NCKAP5: variants seen among roughly 807,000 people sequenced by gnomAD.
NCKAP5 encodes the protein NCK associated protein 5.
A neutral mutation model predicts 167.0 loss-of-function variants in NCKAP5; 92 were observed. The observed-to-expected ratio is 0.55, with a 90% CI of 0.47 to 0.66. The LOEUF (loss-of-function observed/expected upper bound fraction) is 0.66. Among genes scored for constraint, NCKAP5 ranks in the 30% least tolerant of loss-of-function variants. The pLI is 0.00. For missense variants in NCKAP5, 2,378 were observed against 2,315.0 expected, an observed-to-expected ratio of 1.03 and a Z score of -0.56; for synonymous variants, 891 against 877.4, an observed-to-expected ratio of 1.02 and a Z score of -0.27.
intron 1 of NCKAP5, among the ~76,000 whole-genome samples, chr2:133,563,742 A>G (rs891111068): frequency 6.6e-6 from 1 of 152,206 alleles, no homozygotes; most frequent in Non-Finnish European, 1.5e-5. Context: ...CAGTGCAGTC[A>G]ATCGGGGCAG....
At chr2:133,602,480 T>C in the NCKAP5 span, among the ~76,000 whole-genome samples, 1 of 152,096 alleles carries the variant, frequency 6.6e-6, no homozygotes, top group African/African-American at 2.4e-5. Flanking sequence ...TTGTGGCTGA[T>C]AGAAAGCCCT....
At chr2:132,764,000 A>T (rs974059211) in intron 16 of NCKAP5, among the ~76,000 whole-genome samples, 3 of 152,220 alleles carry the variant, frequency 2.0e-5, no homozygotes, top group Admixed American at 6.5e-5. Context: ...AGTGAAAAAA[A>T]TATTTTACAG....
intron 4 of NCKAP5, among the ~76,000 whole-genome samples, chr2:133,224,904 A>G (rs1258719719): frequency 1.3e-5 from 2 of 152,212 alleles, no homozygotes; most frequent in African/African-American, 4.8e-5. Flanking sequence ...CTTATAAATC[A>G]TTGAAGAAAC....
chr2:132,900,083 C>T (rs1574566522), intron 8 of NCKAP5, among the ~76,000 whole-genome samples: 1 of 152,168 alleles, frequency 6.6e-6, no homozygotes, highest in Admixed American at 6.6e-5. Flanking sequence ...AGAACACATG[C>T]AACAGGTACC....
intron 19 of NCKAP5, among the ~76,000 whole-genome samples, chr2:132,708,653 CA>C (rs1314103180): frequency 6.6e-6 from 1 of 152,216 alleles, no homozygotes. Flanking sequence ...GGAAAGGACA[CA>C]AGCCCGGCTG....
At chr2:133,004,507 GT>G (rs1213360417) in intron 6 of NCKAP5, among the ~76,000 whole-genome samples, 3 of 152,210 alleles carry the variant, frequency 2.0e-5, no homozygotes, top group Admixed American at 1.3e-4. Flanking sequence ...AAACCAGCAA[GT>G]TTTTATTAGG....
chr2:133,351,287 A>G (rs549221357), intron 3 of NCKAP5, among the ~76,000 whole-genome samples: 1 of 152,302 alleles, frequency 6.6e-6, no homozygotes, highest in East Asian at 1.9e-4. Flanking sequence ...CCTATGGCCC[A>G]TTTAATGATT....
chr2:132,751,206 G>A lies in NCKAP5; in HGVS notation c.5129-19155C>T, dbSNP rs78583489. 0.013 allele frequency among the ~76,000 whole-genome samples: 1,949 copies of A among 152,078 alleles called. 217 individuals carry two copies. In the East Asian group the frequency reaches 0.26, roughly 21 times the overall value. The stretch of plus-strand genomic sequence containing the variant: ...AGGAGGGAGTGGGTTCTCACCTTTA[G>A]TTCCTGAGAGAGATTTCCCTCTATC... On this transcript the variant is annotated intron_variant, in intron 16 of 19. Coordinates refer to ENST00000409261, the MANE Select transcript of NCKAP5 (RefSeq NM_207363.3).
chr2:132,860,709 A>G, intron 10 of NCKAP5, 98 bp from the exon 11 acceptor site: 1 of 1,383,540 alleles, frequency 7.2e-7, no homozygotes, highest in Middle Eastern at 2.3e-4. Flanking sequence ...TTAGTAAAAA[A>G]CGGTATTTTT....
chr2:133,307,127 A>G lies in NCKAP5; in HGVS notation c.70-4017T>C, dbSNP rs115076699. On this transcript the variant is annotated intron_variant, in intron 3 of 19. Coordinates refer to ENST00000409261, the MANE Select transcript of NCKAP5 (RefSeq NM_207363.3). The stretch of plus-strand genomic sequence containing the variant: ...TTGTTACTAACTTGATGAACATCCT[A>G]TTCTACTGGTTTCTGTTAGAATTAC... Among the ~76,000 whole-genome samples the G allele has an allele frequency of 1.2e-3, 185 of 152,348 alleles. 3 individuals carry two copies. Among genetic ancestry groups the G allele is most frequent in the African/African-American group, 4.4e-3 (183 of 41,578 alleles).
chr2:132,935,838 T>A (rs1008202303), intron 8 of NCKAP5, among the ~76,000 whole-genome samples: 13 of 152,170 alleles, frequency 8.5e-5, no homozygotes, highest in African/African-American at 3.1e-4. Context: ...CATGATGTGG[T>A]GTCGCACTTC....
chr2:132,974,108 A>G (rs576599559), intron 7 of NCKAP5, among the ~76,000 whole-genome samples: 1 of 152,298 alleles, frequency 6.6e-6, no homozygotes, highest in Non-Finnish European at 1.5e-5. Context: ...CTATCCTTAA[A>G]TCTTAGCACT....
chr2:133,182,494 C>T (rs1363681020), intron 5 of NCKAP5, among the ~76,000 whole-genome samples: 1 of 152,130 alleles, frequency 6.6e-6, no homozygotes, highest in Admixed American at 6.5e-5. Context: ...AATATCCAAA[C>T]ACTTGAAATT....
intron 3 of NCKAP5, among the ~76,000 whole-genome samples, chr2:133,418,240 G>A (rs1689247148): frequency 1.3e-5 from 2 of 152,186 alleles, no homozygotes; most frequent in African/African-American, 4.8e-5. Flanking sequence ...CTAAGTGATT[G>A]ACAAGTACCT....
intron 3 of NCKAP5, among the ~76,000 whole-genome samples, chr2:133,478,234 C>T (rs1436847662): frequency 6.6e-6 from 1 of 152,212 alleles, no homozygotes; most frequent in Non-Finnish European, 1.5e-5. Flanking sequence ...GTCCACTGCC[C>T]TTTACTGACA....
intron 11 of NCKAP5, among the ~76,000 whole-genome samples, chr2:132,845,417 C>T (rs1447512962): frequency 6.6e-6 from 1 of 152,114 alleles, no homozygotes; most frequent in Non-Finnish European, 1.5e-5. Flanking sequence ...TCAGTATTTA[C>T]ATAATTTCTT....
At chr2:132,716,263 G>A (rs1240941281) in intron 19 of NCKAP5, among the ~76,000 whole-genome samples, 1 of 152,080 alleles carries the variant, frequency 6.6e-6, no homozygotes, top group African/African-American at 2.4e-5. Flanking sequence ...CAGTTGTCTT[G>A]GAAACCACTC....
chr2:133,500,105 C>G (rs1271662495), intron 3 of NCKAP5, among the ~76,000 whole-genome samples: 2 of 152,096 alleles, frequency 1.3e-5, no homozygotes, highest in African/African-American at 4.8e-5. Context: ...AAAGGATAAA[C>G]TGCTTTTAAG....
intron 11 of NCKAP5, among the ~76,000 whole-genome samples, chr2:132,855,184 G>C (rs1689370582): frequency 1.3e-5 from 2 of 152,162 alleles, no homozygotes; most frequent in African/African-American, 2.4e-5. Context: ...ACCTCTCAAA[G>C]GGGCCACTTT....
Sources: gnomAD v4.1 joint callset for allele counts (sites outside exome capture counted in the v4.1 genomes callset) on GRCh38, gnomAD v4.1.1 for gene constraint, MANE v1.5 for transcripts, NCBI Gene and HGNC (gene_info 2026-07-23, HGNC 2026-07-21) for gene names.